NEGR1: variants seen among roughly 807,000 people sequenced by gnomAD.
The protein encoded by NEGR1 is IgLON family member 4.
Under a neutral mutation model 40.9 loss-of-function variants are expected in NEGR1, and 10 were observed. That is an observed-to-expected ratio of 0.24 (90% CI 0.15 to 0.42). The LOEUF (loss-of-function observed/expected upper bound fraction) is 0.42, where lower values mean the gene tolerates loss of function less well. Among genes scored for constraint, NEGR1 ranks in the 10% least tolerant of loss-of-function variants. The probability of loss-of-function intolerance (pLI) is 1.00; values close to 1 mark genes in which losing one functional copy is unlikely to be tolerated. For synonymous variants in NEGR1, 185 were observed against 166.8 expected, an observed-to-expected ratio of 1.11 and a Z score of -0.84; for missense variants, 352 against 438.9, an observed-to-expected ratio of 0.80 and a Z score of 1.77.
intron 6 of NEGR1, among the ~76,000 whole-genome samples, chr1:71,502,247 A>T (rs1474049163): frequency 6.6e-6 from 1 of 152,178 alleles, no homozygotes; most frequent in East Asian, 1.9e-4. Flanking sequence ...CAGGAAATTG[A>T]AACATAAGCA....
At chr1:71,714,025 GA>G (rs1172960302) in intron 3 of NEGR1, among the ~76,000 whole-genome samples, 1 of 152,000 alleles carries the variant, frequency 6.6e-6, no homozygotes, top group African/African-American at 2.4e-5. Flanking sequence ...ACACTGCTAT[GA>G]AAAAAATACC....
intron 3 of NEGR1, among the ~76,000 whole-genome samples, chr1:71,739,234 G>T (rs1245922497): frequency 6.8e-6 from 1 of 146,456 alleles, no homozygotes; most frequent in Admixed American, 6.8e-5. Context: ...AAAAAAACGT[G>T]AAAAGACTAG....
At chr1:72,029,637 T>G (rs945224629) in intron 1 of NEGR1, among the ~76,000 whole-genome samples, 4 of 152,214 alleles carry the variant, frequency 2.6e-5, no homozygotes, top group Admixed American at 2.6e-4. Flanking sequence ...ATGTGCTGAA[T>G]TGAAGAATTA....
chr1:71,952,539 G>C (rs951499604), intron 1 of NEGR1, among the ~76,000 whole-genome samples: 1 of 152,012 alleles, frequency 6.6e-6, no homozygotes, highest in Non-Finnish European at 1.5e-5. Flanking sequence ...TAACATAAAA[G>C]TGCAAGATGA....
intron 3 of NEGR1, chr1:71,738,255 C>G (rs916550714): frequency 4.5e-6 from 1 of 223,328 alleles, no homozygotes. Context: ...AAGTCAAGCA[C>G]TTCTCAGCCC....
At chr1:71,911,517 T>C (rs1439940001) in intron 2 of NEGR1, among the ~76,000 whole-genome samples, 2 of 152,168 alleles carry the variant, frequency 1.3e-5, no homozygotes, top group Non-Finnish European at 2.9e-5. Context: ...ACTGTAGGTA[T>C]GAATAATGGT....
chr1:72,122,711 C>G (rs1033688230), intron 1 of NEGR1, among the ~76,000 whole-genome samples: 4 of 151,770 alleles, frequency 2.6e-5, no homozygotes, highest in African/African-American at 7.3e-5. Context: ...GAGTGGTTAA[C>G]TCCCATGGTA....
intron 2 of NEGR1, among the ~76,000 whole-genome samples, chr1:71,933,056 A>G (rs1022133724): frequency 6.6e-6 from 1 of 152,102 alleles, no homozygotes; most frequent in African/African-American, 2.4e-5. Context: ...ATCCAATCTT[A>G]TACTTTCAAA....
chr1:71,884,370 A>T (rs1660666624), intron 2 of NEGR1, among the ~76,000 whole-genome samples: 1 of 152,192 alleles, frequency 6.6e-6, no homozygotes, highest in African/African-American at 2.4e-5. Context: ...ACACAGACTC[A>T]TCCACAGTCT....
At chr1:71,645,392 C>G (rs377671513) in intron 4 of NEGR1, among the ~76,000 whole-genome samples, 3 of 151,768 alleles carry the variant, frequency 2.0e-5, no homozygotes, top group Non-Finnish European at 4.4e-5. Flanking sequence ...AAAAGTTTAC[C>G]CTTTGAAAGC....
intron 2 of NEGR1, among the ~76,000 whole-genome samples, chr1:71,870,970 A>G (rs1244077775): frequency 6.6e-6 from 1 of 152,228 alleles, no homozygotes; most frequent in African/African-American, 2.4e-5. Context: ...CTTTCTTTGT[A>G]AGAATCTCAG....
chr1:72,010,005 G>A (rs553341788), intron 1 of NEGR1, among the ~76,000 whole-genome samples: 3 of 152,058 alleles, frequency 2.0e-5, no homozygotes, highest in Non-Finnish European at 4.4e-5. Context: ...AACATACATG[G>A]AAGAAATGAC....
intron 1 of NEGR1, among the ~76,000 whole-genome samples, chr1:72,097,919 C>T (rs1364388500): frequency 2.0e-5 from 3 of 152,084 alleles, no homozygotes; most frequent in Non-Finnish European, 4.4e-5. Flanking sequence ...TTGGTTGATA[C>T]CCCCATATCT....
At chr1:71,481,195 T>C (rs1228912588) in intron 6 of NEGR1, among the ~76,000 whole-genome samples, 1 of 151,948 alleles carries the variant, frequency 6.6e-6, no homozygotes, top group Non-Finnish European at 1.5e-5. Flanking sequence ...CCCAGGCCTT[T>C]CCATGCTATC....
At chr1:72,177,676 T>C (rs1652225439) in intron 1 of NEGR1, among the ~76,000 whole-genome samples, 1 of 152,006 alleles carries the variant, frequency 6.6e-6, no homozygotes, top group Non-Finnish European at 1.5e-5. Flanking sequence ...TTAAATGTAA[T>C]TGTAGAATAC....
intron 1 of NEGR1, among the ~76,000 whole-genome samples, chr1:71,952,699 TAGAGA>T (rs3995723): frequency 0.036 from 5,544 of 152,010 alleles, 335 homozygotes; most frequent in African/African-American, 0.13. Context: ...CTTTCACGGC[TAGAGA>T]AGAGAAGTCA....
intron 1 of NEGR1, among the ~76,000 whole-genome samples, chr1:72,038,144 T>A (rs985586845): frequency 3.3e-5 from 5 of 152,110 alleles, no homozygotes; most frequent in Non-Finnish European, 7.4e-5. Flanking sequence ...AGCCACTACG[T>A]TATAGTGGCT....
chr1:72,219,241 G>C (rs1653930513), intron 1 of NEGR1, among the ~76,000 whole-genome samples: 1 of 151,920 alleles, frequency 6.6e-6, no homozygotes, highest in African/African-American at 2.4e-5. Flanking sequence ...TCATCTCAAA[G>C]CAAATAAAAT....
chr1:71,820,930 T>C (rs1415225408), intron 2 of NEGR1, among the ~76,000 whole-genome samples: 1 of 152,166 alleles, frequency 6.6e-6, no homozygotes, highest in Admixed American at 6.6e-5. Flanking sequence ...TTCTGAAAGA[T>C]AACTACAAGC....
Sources: gnomAD v4.1 joint callset for allele counts (sites outside exome capture counted in the v4.1 genomes callset) on GRCh38, gnomAD v4.1.1 for gene constraint, MANE v1.5 for transcripts, NCBI Gene and HGNC (gene_info 2026-07-23, HGNC 2026-07-21) for gene names.